The following SPAG16 variants were observed in gnomAD, a reference collection of about 807,000 sequenced individuals.
SPAG16 encodes the protein sperm associated antigen 16, also known as sperm-associated antigen 16 protein.
A neutral mutation model predicts 80.4 loss-of-function variants in SPAG16; 86 were observed. That is an observed-to-expected ratio of 1.07 (90% confidence interval 0.90 to 1.28). SPAG16 has a LOEUF of 1.28. Ranked by LOEUF, SPAG16 falls within the 50% of genes most tolerant of loss-of-function variation. The pLI, the probability that SPAG16 is intolerant of heterozygous loss-of-function variation, is 0.00. For missense variants in SPAG16, 870 were observed against 765.3 expected, an observed-to-expected ratio of 1.14 and a Z score of -1.61; for synonymous variants, 294 against 265.9, an observed-to-expected ratio of 1.11 and a Z score of -1.03.
intron 15 of SPAG16, among the ~76,000 whole-genome samples, chr2:214,357,512 C>T (rs1186681555): frequency 6.6e-6 from 1 of 151,888 alleles, no homozygotes; most frequent in East Asian, 1.9e-4. Context: ...CTGAGTTTCT[C>T]ATTTCAATTC....
intron 11 of SPAG16, among the ~76,000 whole-genome samples, chr2:213,913,746 AAG>A (rs897353733): frequency 6.6e-5 from 10 of 152,078 alleles, no homozygotes; most frequent in Admixed American, 2.0e-4. Flanking sequence ...GACAGAGATA[AAG>A]AGAGAGAGAA....
At chr2:214,077,893 G>T (rs1205187267) in intron 13 of SPAG16, among the ~76,000 whole-genome samples, 1 of 152,194 alleles carries the variant, frequency 6.6e-6, no homozygotes, top group East Asian at 1.9e-4. Context: ...TTCCTTTTGT[G>T]TAGTAGCCAA....
At chr2:213,340,003 T>C (rs2064590361) in intron 5 of SPAG16, among the ~76,000 whole-genome samples, 160 bp from the exon 6 acceptor site, 1 of 152,184 alleles carries the variant, frequency 6.6e-6, no homozygotes, top group Non-Finnish European at 1.5e-5. Flanking sequence ...TATGACCTTA[T>C]ACAAATTATG....
intron 13 of SPAG16, among the ~76,000 whole-genome samples, chr2:214,080,233 C>T (rs1375290328): frequency 6.6e-6 from 1 of 152,116 alleles, no homozygotes; most frequent in Non-Finnish European, 1.5e-5. Flanking sequence ...TCAACAAACT[C>T]AGTAAGAGAC....
At chr2:213,740,645 A>G (rs1359909920) in intron 10 of SPAG16, among the ~76,000 whole-genome samples, 1 of 152,212 alleles carries the variant, frequency 6.6e-6, no homozygotes, top group Non-Finnish European at 1.5e-5. Context: ...TCTACTAGTT[A>G]TAGGGCATAT....
chr2:213,538,218 A>C (rs1290634147), intron 10 of SPAG16, among the ~76,000 whole-genome samples: 1 of 152,124 alleles, frequency 6.6e-6, no homozygotes, highest in African/African-American at 2.4e-5. Flanking sequence ...AAAAAATTTG[A>C]TGAAATGTTT....
intron 15 of SPAG16, among the ~76,000 whole-genome samples, chr2:214,203,986 TG>T (rs2058078507): frequency 6.6e-6 from 1 of 152,128 alleles, no homozygotes; most frequent in African/African-American, 2.4e-5. Context: ...AGTACCGTTG[TG>T]GGGGCACAGT....
In SPAG16 at chr2:214,224,347, C is replaced by A. The variant is rs139707575; in HGVS notation, c.1720+75081C>A. ...AATCAGAACAAAAACAGTGAATGTC[C>A]CATAAATATATGTACACATAATTTA... On this transcript the variant is annotated intron_variant, in intron 15 of 15. Transcript: ENST00000331683. 2.2e-3 allele frequency among the ~76,000 whole-genome samples: 333 copies of A among 152,122 alleles called. 2 individuals are homozygous for A. Among genetic ancestry groups the A allele is most frequent in the Non-Finnish European group, 3.9e-3 (267 of 68,002 alleles).
chr2:214,134,503 A>G (rs779582724), intron 14 of SPAG16, among the ~76,000 whole-genome samples: 1 of 152,234 alleles, frequency 6.6e-6, no homozygotes, highest in Non-Finnish European at 1.5e-5. Context: ...GTTTCTTTAC[A>G]GAAGCATGCC....
chr2:213,875,441 A>T (rs1311473098), intron 11 of SPAG16, among the ~76,000 whole-genome samples: 2 of 152,158 alleles, frequency 1.3e-5, no homozygotes, highest in Non-Finnish European at 1.5e-5. Flanking sequence ...GGTCAACAGC[A>T]TCAAGGCATA....
At chr2:214,081,256 A>T (rs1262463440) in intron 13 of SPAG16, among the ~76,000 whole-genome samples, 1 of 152,102 alleles carries the variant, frequency 6.6e-6, no homozygotes, top group Non-Finnish European at 1.5e-5. Flanking sequence ...CATTAGCCAA[A>T]TTTTACCTAA....
chr2:214,155,844 G>T (rs2056189987), intron 15 of SPAG16, among the ~76,000 whole-genome samples: 1 of 151,962 alleles, frequency 6.6e-6, no homozygotes, highest in Admixed American at 6.6e-5. Flanking sequence ...TGTTACTCTT[G>T]CCCCTGTTTT....
chr2:213,419,729 TAC>T (rs2069479230), intron 9 of SPAG16, among the ~76,000 whole-genome samples: 1 of 152,242 alleles, frequency 6.6e-6, no homozygotes, highest in Non-Finnish European at 1.5e-5. Context: ...ATATATGGAC[TAC>T]ATTGTGGTTT....
At chr2:214,134,754 C>T (rs2054958200) in intron 14 of SPAG16, among the ~76,000 whole-genome samples, 1 of 152,188 alleles carries the variant, frequency 6.6e-6, no homozygotes, top group South Asian at 2.1e-4. Context: ...TGGCCTTCAA[C>T]ATTCCCTTTA....
chr2:214,018,945 T>G (rs2047723016), intron 13 of SPAG16, among the ~76,000 whole-genome samples: 2 of 152,158 alleles, frequency 1.3e-5, no homozygotes, highest in Admixed American at 1.3e-4. Flanking sequence ...AGCTCTGAAT[T>G]TTGTAGAGGA....
chr2:214,310,831 A>T (rs927301806), intron 15 of SPAG16, among the ~76,000 whole-genome samples: 1 of 152,198 alleles, frequency 6.6e-6, no homozygotes, highest in Non-Finnish European at 1.5e-5. Context: ...TTTCAGCAGA[A>T]CCTCTTCCCC....
chr2:214,225,335 T>A (rs895949121), intron 15 of SPAG16, among the ~76,000 whole-genome samples: 5 of 152,112 alleles, frequency 3.3e-5, no homozygotes, highest in African/African-American at 1.2e-4. Flanking sequence ...GAAGAATTAA[T>A]CTGGCTTTTC....
intron 11 of SPAG16, among the ~76,000 whole-genome samples, chr2:213,883,057 G>A (rs1267063027): frequency 2.6e-5 from 4 of 151,906 alleles, no homozygotes; most frequent in African/African-American, 2.4e-5. Flanking sequence ...TAGTAGAGAC[G>A]GGGTTTCACC....
intron 13 of SPAG16, among the ~76,000 whole-genome samples, chr2:214,035,185 T>G (rs1210479302): frequency 6.6e-6 from 1 of 151,994 alleles, no homozygotes; most frequent in South Asian, 2.1e-4. Flanking sequence ...TGGCTGAGTC[T>G]GGGGCTTTTA....
Sources: gnomAD v4.1 joint callset for allele counts (sites outside exome capture counted in the v4.1 genomes callset) on GRCh38, gnomAD v4.1.1 for gene constraint, MANE v1.5 for transcripts, NCBI Gene and HGNC (gene_info 2026-07-23, HGNC 2026-07-21) for gene names.